Variants in ARHGAP10 observed in about 807,000 individuals in gnomAD.
The protein encoded by ARHGAP10 is Rho GTPase activating protein 10, also known as rho GTPase-activating protein 10.
A neutral mutation model predicts 108.6 loss-of-function variants in ARHGAP10; 87 were observed. The observed-to-expected ratio is 0.80, with a 90% confidence interval of 0.67 to 0.96. The LOEUF (loss-of-function observed/expected upper bound fraction) is 0.96, where lower values mean the gene tolerates loss of function less well. Among genes scored for constraint, ARHGAP10 ranks in the 40% least tolerant of loss-of-function variants. ARHGAP10 has a pLI of 0.00. For synonymous variants in ARHGAP10, 347 were observed against 341.1 expected (o/e 1.02, Z -0.19); for missense variants, 939 against 954.5 (o/e 0.98, Z 0.21).
At chr4:147,862,461 G>A (rs1734360830) in intron 5 of ARHGAP10, 1 of 152,630 alleles carries the variant, frequency 6.6e-6, no homozygotes, top group Admixed American at 6.5e-5. Context: ...CTCTGTAGAA[G>A]TTGGGGCTCC....
chr4:148,063,953 T>C (rs11099675), intron 21 of ARHGAP10, among the ~76,000 whole-genome samples: 106,525 of 151,866 alleles, frequency 0.7, 37,995 homozygotes, highest in East Asian at 0.84. Flanking sequence ...AAGCCCCTTC[T>C]AGAGCGGTGG....
chr4:148,038,121 G>A (rs564889957), intron 19 of ARHGAP10, among the ~76,000 whole-genome samples: 1 of 152,172 alleles, frequency 6.6e-6, no homozygotes, highest in East Asian at 1.9e-4. Context: ...TTTTGACATG[G>A]TATAGCAACC....
intron 1 of ARHGAP10, among the ~76,000 whole-genome samples, chr4:147,777,727 G>A (rs946015738): frequency 1.3e-5 from 2 of 152,208 alleles, no homozygotes; most frequent in Non-Finnish European, 2.9e-5. Context: ...TGGAGGGATA[G>A]TTTCCTTCTC....
rs117080031 is a variant in ARHGAP10, at chr4:148,043,215, G to A, written c.1868-3677G>A. On this transcript the variant is annotated intron_variant, in intron 19 of 22. Coordinates refer to ENST00000336498, the MANE Select transcript of ARHGAP10 (RefSeq NM_024605.4). The stretch of plus-strand genomic sequence containing the variant: ...CCTTGTGGGAGTTAAATCTGAGGAT[G>A]CTGCAAGGAAGTCATTTTCTCTTCT... Among the ~76,000 whole-genome samples the A allele has an allele frequency of 1.4e-4, 21 of 152,270 alleles. No individual in the cohort carries two copies. The East Asian group carries it at 3.9e-3, about 28-fold the overall frequency.
At chr4:147,801,368 A>G (rs1397380371) in intron 1 of ARHGAP10, among the ~76,000 whole-genome samples, 1 of 152,208 alleles carries the variant, frequency 6.6e-6, no homozygotes, top group Non-Finnish European at 1.5e-5. Context: ...CTCTATAAGA[A>G]AAGAGAAGAG....
At chr4:148,069,572 T>C (rs1305659758) in intron 22 of ARHGAP10, among the ~76,000 whole-genome samples, 1 of 152,180 alleles carries the variant, frequency 6.6e-6, no homozygotes, top group South Asian at 2.1e-4. Flanking sequence ...TAATACCGAG[T>C]CTGTGCTTGC....
At chr4:147,838,473 T>TAA (rs60333839) in intron 3 of ARHGAP10, among the ~76,000 whole-genome samples, 101 of 147,992 alleles carry the variant, frequency 6.8e-4, no homozygotes, top group East Asian at 5.7e-3. Context: ...CCTTGTCTCT[T>TAA]AAAAAAAAAA....
chr4:147,864,781 C>T, intron 5 of ARHGAP10, 65 bp from the exon 6 acceptor site: 1 of 1,441,014 alleles, frequency 6.9e-7, no homozygotes, highest in Non-Finnish European at 9.7e-7. Context: ...AGTGTGATGA[C>T]CTCTGATGTA....
chr4:147,977,608 G>A (rs552633489), intron 18 of ARHGAP10, among the ~76,000 whole-genome samples: 2 of 152,214 alleles, frequency 1.3e-5, no homozygotes, highest in African/African-American at 4.8e-5. Flanking sequence ...AGGCTCTAAA[G>A]TGGAATTCCT....
intron 3 of ARHGAP10, among the ~76,000 whole-genome samples, chr4:147,830,887 G>T (rs1030721528): frequency 2.0e-5 from 3 of 152,220 alleles, no homozygotes; most frequent in Admixed American, 6.5e-5. Context: ...ATTACTAAAA[G>T]AATGTATGAT....
At chr4:147,848,484 T>C (rs1733723889) in intron 4 of ARHGAP10, among the ~76,000 whole-genome samples, 2 of 152,240 alleles carry the variant, frequency 1.3e-5, no homozygotes, top group African/African-American at 4.8e-5. Context: ...TAGTTTCTTA[T>C]ATGTAAAATG....
At chr4:148,016,868 A>G (rs960503708) in intron 18 of ARHGAP10, among the ~76,000 whole-genome samples, 1 of 151,678 alleles carries the variant, frequency 6.6e-6, no homozygotes, top group South Asian at 2.1e-4. Flanking sequence ...GCTCAAACAC[A>G]TTTACTGATT....
intron 18 of ARHGAP10, among the ~76,000 whole-genome samples, chr4:148,012,697 C>T (rs1323723274): frequency 1.3e-5 from 2 of 152,142 alleles, no homozygotes; most frequent in Non-Finnish European, 2.9e-5. Context: ...GTAAAAACCA[C>T]AGTTACTGTT....
At chr4:147,959,120 C>G (rs539665691) in intron 16 of ARHGAP10, among the ~76,000 whole-genome samples, 1 of 151,802 alleles carries the variant, frequency 6.6e-6, no homozygotes, top group South Asian at 2.1e-4. Context: ...TTTTGGAGTA[C>G]CTTAAAGGTA....
chr4:148,029,922 C>T (rs926883220), intron 19 of ARHGAP10, among the ~76,000 whole-genome samples: 8 of 151,996 alleles, frequency 5.3e-5, no homozygotes, highest in African/African-American at 1.2e-4. Context: ...TGAGTTGTGG[C>T]GTGCCTAGAA....
intron 1 of ARHGAP10, among the ~76,000 whole-genome samples, chr4:147,819,579 G>T (rs566280646): frequency 6.7e-6 from 1 of 150,352 alleles, no homozygotes; most frequent in African/African-American, 2.5e-5. Context: ...ATGGAGTCTC[G>T]CTCTGTCACC....
chr4:147,885,675 C>T (rs1735520142), intron 10 of ARHGAP10, among the ~76,000 whole-genome samples: 1 of 152,190 alleles, frequency 6.6e-6, no homozygotes, highest in African/African-American at 2.4e-5. Context: ...CTGAAACTCT[C>T]TATCCTTTTA....
chr4:147,854,283 A>G (rs1733999222), intron 4 of ARHGAP10, among the ~76,000 whole-genome samples: 1 of 152,240 alleles, frequency 6.6e-6, no homozygotes, highest in African/African-American at 2.4e-5. Context: ...ATTTTTCAGC[A>G]GTTCCAGAGA....
intron 1 of ARHGAP10, among the ~76,000 whole-genome samples, chr4:147,764,996 G>A (rs1468080622): frequency 6.6e-6 from 1 of 152,172 alleles, no homozygotes; most frequent in African/African-American, 2.4e-5. Flanking sequence ...AAATGCCCAA[G>A]TACAAGTAAT....
Sources: allele counts gnomAD v4.1 joint callset (sites outside exome capture counted in the v4.1 genomes callset), GRCh38; gene constraint gnomAD v4.1.1; transcripts MANE v1.5; gene names NCBI Gene and HGNC (gene_info 2026-07-23, HGNC 2026-07-21).